The following KATNIP variants were observed in gnomAD, a reference collection of about 807,000 sequenced individuals.
KATNIP encodes katanin-interacting protein.
A neutral mutation model predicts 174.0 loss-of-function variants in KATNIP; 126 were observed. That is an observed-to-expected ratio of 0.72 (90% confidence interval 0.63 to 0.84). The LOEUF (loss-of-function observed/expected upper bound fraction) is 0.84. Ranked by LOEUF, KATNIP falls within the 40% of genes least tolerant of loss-of-function variation. The probability of loss-of-function intolerance (pLI) is 0.00; values close to 1 mark genes in which losing one functional copy is unlikely to be tolerated. For missense variants in KATNIP, 1,958 were observed against 2,109.7 expected (o/e 0.93, Z 1.41); for synonymous variants, 810 against 835.7 (o/e 0.97, Z 0.53).
chr16:27,694,793 A>ATAAG (rs2078858118), intron 8 of KATNIP, among the ~76,000 whole-genome samples: 1 of 151,350 alleles, frequency 6.6e-6, no homozygotes, highest in South Asian at 2.1e-4. Flanking sequence ...CCCTACCACA[A>ATAAG]TAAATAAATA....
chr16:27,628,759 T>A lies in KATNIP; in HGVS notation c.239T>A (p.Leu80Gln). 3.1e-6 allele frequency: 5 copies of A among 1,614,224 alleles called. No individual in the cohort carries two copies. Among genetic ancestry groups the A allele is most frequent in the Non-Finnish European group, 3.4e-6 (4 of 1,180,044 alleles). Reference sequence around the variant, plus strand: ...TATGTCAACGGTGCCAATTCGGAGCTGAAATCATCACCGCGGAAAGCTATT... The same window carrying A: ...TATGTCAACGGTGCCAATTCGGAGCAGAAATCATCACCGCGGAAAGCTATT... ...SVYVNGANSE[L>Q]KSSPRKAIHS... Residue 80 changes from leucine to glutamine, a missense_variant, in exon 4 of 28, where the codon CTG (leucine) becomes CAG (glutamine). Physicochemically the swap from Leu to Gln is moderately radical, Grantham distance 113 (BLOSUM62 -2). Around this residue, in one of 3 missense-constraint regions of KATNIP, gnomAD observed 1,557 missense variants for 1,617.8 expected, o/e 0.96. Transcript: ENST00000261588.
intron 13 of KATNIP, among the ~76,000 whole-genome samples, chr16:27,710,077 G>T (rs2079506967): frequency 6.6e-6 from 1 of 152,122 alleles, no homozygotes; most frequent in Admixed American, 6.5e-5. Flanking sequence ...ATATCCAACA[G>T]AGCCAGGTAC....
At position 27,769,851 on chromosome 16, in the gene KATNIP, T is replaced by G; in HGVS notation, c.3976-10T>G. The G allele has an allele frequency of 6.2e-7, 1 of 1,612,148 alleles. No individual in the cohort carries two copies. The highest frequency in any genetic ancestry group is 2.2e-5 in the East Asian group (1 of 44,822). ...CTCCCTTCAGTCATGTTATTTCTTTTGTTTGCCAGGCCAAGATTGTCCACG... is the reference window on the plus strand; with the variant it reads ...CTCCCTTCAGTCATGTTATTTCTTTGGTTTGCCAGGCCAAGATTGTCCACG... On this transcript the variant is annotated splice_polypyrimidine_tract_variant and intron_variant, in intron 20 of 27. Coordinates refer to ENST00000261588, the MANE Select transcript of KATNIP (RefSeq NM_015202.5).
chr16:27,715,439 A>T (rs986598645), intron 13 of KATNIP, among the ~76,000 whole-genome samples: 3 of 152,254 alleles, frequency 2.0e-5, no homozygotes, highest in African/African-American at 7.2e-5. Flanking sequence ...AAAACGGATA[A>T]GTCAGACTTC....
At chr16:27,610,672 A>G (rs1308814593) in intron 2 of KATNIP, among the ~76,000 whole-genome samples, 1 of 152,190 alleles carries the variant, frequency 6.6e-6, no homozygotes, top group Non-Finnish European at 1.5e-5. Flanking sequence ...TGTTCAGTCC[A>G]GCACCCCCAA....
At chr16:27,680,850 G>A (rs916866944) in intron 7 of KATNIP, among the ~76,000 whole-genome samples, 3 of 152,218 alleles carry the variant, frequency 2.0e-5, no homozygotes, top group South Asian at 2.1e-4. Flanking sequence ...GCTTGCCACC[G>A]TACACAGCTA....
chr16:27,779,528 C>T lies in KATNIP; in HGVS notation c.*899C>T, dbSNP rs2144345917. 1 of 152,668 alleles carries T rather than the reference C, an allele frequency of 6.6e-6. No individual in the cohort carries two copies. Among genetic ancestry groups the T allele is most frequent in the Non-Finnish European group, 1.5e-5 (1 of 68,244 alleles). 9.5% of individuals were successfully genotyped at this position (152,668 alleles called of 1,614,324 possible). ...TCCCCTCACCCTTGAGCAGGCCCTC[C>T]CTGCACTCTCTGCCACATGTCCCTC... On this transcript the variant is annotated 3_prime_UTR_variant, in exon 28 of 28. Transcript: ENST00000261588.
intron 2 of KATNIP, among the ~76,000 whole-genome samples, chr16:27,574,555 ATTC>A (rs1197472907): frequency 1.0e-4 from 10 of 99,758 alleles, no homozygotes; most frequent in Non-Finnish European, 1.8e-4. Flanking sequence ...ACCACTTTCT[ATTC>A]TTTTTTTTTT....
chr16:27,712,399 C>T (rs905632904), intron 13 of KATNIP, among the ~76,000 whole-genome samples: 1 of 152,130 alleles, frequency 6.6e-6, no homozygotes, highest in Non-Finnish European at 1.5e-5. Flanking sequence ...TGGTGCATCG[C>T]CTCGTTTAAC....
intron 1 of KATNIP, among the ~76,000 whole-genome samples, chr16:27,563,048 T>G (rs765307901): frequency 2.6e-5 from 4 of 152,196 alleles, no homozygotes; most frequent in Non-Finnish European, 5.9e-5. Flanking sequence ...TGATGCACAC[T>G]CCATTCTAGG....
At chr16:27,575,537 G>C (rs900577148) in intron 2 of KATNIP, among the ~76,000 whole-genome samples, 2 of 152,172 alleles carry the variant, frequency 1.3e-5, no homozygotes, top group South Asian at 4.1e-4. Context: ...ATTGTAAAGT[G>C]TCATCATTCC....
chr16:27,617,255 T>G (rs1338812516), intron 2 of KATNIP, among the ~76,000 whole-genome samples: 2 of 152,228 alleles, frequency 1.3e-5, no homozygotes, highest in African/African-American at 4.8e-5. Context: ...ATCCAGGGAC[T>G]CAAATTATGT....
intron 12 of KATNIP, among the ~76,000 whole-genome samples, chr16:27,705,123 C>T (rs931911718): frequency 2.6e-5 from 4 of 152,014 alleles, no homozygotes; most frequent in African/African-American, 9.7e-5. Flanking sequence ...GTTGGCCAGG[C>T]TGGTCTCTAA....
chr16:27,722,208 C>G (rs1200376638), intron 14 of KATNIP: 1 of 153,984 alleles, frequency 6.5e-6, no homozygotes, highest in Non-Finnish European at 1.4e-5. Flanking sequence ...TCTTCCTGTT[C>G]TGTGGACCTC....
At chr16:27,721,737 T>G in intron 14 of KATNIP, 42 bp downstream of exon 14, 1 of 1,602,140 alleles carries the variant, frequency 6.2e-7, no homozygotes, top group Non-Finnish European at 8.5e-7. Context: ...ACTGGGTTGA[T>G]GGAAGCACTT....
At chr16:27,769,620 G>A (rs1334082687) in intron 20 of KATNIP, among the ~76,000 whole-genome samples, 4 of 152,222 alleles carry the variant, frequency 2.6e-5, no homozygotes, top group South Asian at 2.1e-4. Flanking sequence ...GCCAAGTCAC[G>A]TGCCACCCCT....
chr16:27,587,207 T>A (rs1358150710), intron 2 of KATNIP, among the ~76,000 whole-genome samples: 1 of 152,228 alleles, frequency 6.6e-6, no homozygotes, highest in Non-Finnish European at 1.5e-5. Context: ...ATTAAAAGAC[T>A]AATACATGTG....
At chr16:27,603,174 C>T (rs2075587771) in intron 2 of KATNIP, among the ~76,000 whole-genome samples, 1 of 152,190 alleles carries the variant, frequency 6.6e-6, no homozygotes, top group South Asian at 2.1e-4. Flanking sequence ...CATGATCTGC[C>T]TTGGGGCAGA....
At position 27,644,636 on chromosome 16, in the gene KATNIP, G is replaced by A. The variant is rs565446077; in HGVS notation, c.409-3968G>A. On this transcript the variant is annotated intron_variant, in intron 5 of 27. Coordinates refer to ENST00000261588, the MANE Select transcript of KATNIP (RefSeq NM_015202.5). ...TCCTCTTGCCTTGCCCTCCCAAGTA[G>A]CTGGGACTACAGGCACGTATCACCA... is the stretch of plus-strand genomic sequence containing the variant. 4 of 152,248 alleles carry A rather than the reference G, an allele frequency of 2.6e-5. No individual in the cohort carries two copies. In the East Asian group the frequency reaches 7.7e-4, roughly 29 times the overall value. 9.4% of individuals were successfully genotyped at this position (152,248 alleles called of 1,614,324 possible).
Sources: gnomAD v4.1 joint callset for allele counts (sites outside exome capture counted in the v4.1 genomes callset) on GRCh38, gnomAD v4.1.1 for gene constraint, gnomAD v4.1.1 regional missense constraint, MANE v1.5 for transcripts, NCBI Gene and HGNC (gene_info 2026-07-23, HGNC 2026-07-21) for gene names.